Variants in ERCC8 observed in about 807,000 individuals in gnomAD.
ERCC8 encodes ERCC excision repair 8, CSA ubiquitin ligase complex subunit.
ERCC8 carries 52 observed loss-of-function variants against 54.9 expected under a neutral mutation model. That is an observed-to-expected ratio of 0.95 (90% CI 0.76 to 1.19). ERCC8 has a LOEUF of 1.19. ERCC8 is among the 50% of genes most tolerant of loss of function. The pLI, the probability that ERCC8 is intolerant of heterozygous loss-of-function variation, is 0.00. For missense variants in ERCC8, 514 were observed against 466.1 expected (o/e 1.10, Z -0.95); for synonymous variants, 146 against 157.2 (o/e 0.93, Z 0.53).
At chr5:60,908,911 CTTT>C (rs1188288516) in intron 4 of ERCC8, among the ~76,000 whole-genome samples, 13 of 152,190 alleles carry the variant, frequency 8.5e-5, no homozygotes, top group Middle Eastern at 6.8e-3. Flanking sequence ...GAAAATCCAT[CTTT>C]TATGTGGGTG....
intron 11 of ERCC8, among the ~76,000 whole-genome samples, chr5:60,876,002 A>G (rs888120338): frequency 1.3e-5 from 2 of 151,954 alleles, no homozygotes; most frequent in Admixed American, 6.6e-5. Flanking sequence ...AACATTAGGT[A>G]TATCTCCTAA....
At chr5:60,880,851 C>T (rs1014761944) in intron 11 of ERCC8, among the ~76,000 whole-genome samples, 1 of 152,050 alleles carries the variant, frequency 6.6e-6, no homozygotes, top group African/African-American at 2.4e-5. Context: ...GTCTGAAGCC[C>T]TTTTTTCTCA....
intron 4 of ERCC8, among the ~76,000 whole-genome samples, chr5:60,910,300 C>T (rs1749220814): frequency 6.6e-6 from 1 of 152,120 alleles, no homozygotes; most frequent in Admixed American, 6.6e-5. Flanking sequence ...AACTTTATAG[C>T]AAGTCTTGAT....
In ERCC8 at chr5:60,906,368, C is replaced by T. The variant is rs566590120; in HGVS notation, c.400-1495G>A. Among the ~76,000 whole-genome samples the T allele has an allele frequency of 1.4e-4, 22 of 151,956 alleles. No homozygotes were observed. The South Asian group carries it at 4.2e-3, about 29-fold the overall frequency. On this transcript the variant is annotated intron_variant, in intron 4 of 11. Coordinates refer to ENST00000676185, the MANE Select transcript of ERCC8 (RefSeq NM_000082.4). ...GCAGAATTCAGGCTTGTCTCCTCCT[C>T]CTAGTCTGGTGGTCTCTCATTAGCT...
chr5:60,938,349 AATTTT>A (rs1246693879), intron 1 of ERCC8, among the ~76,000 whole-genome samples: 15 of 108,762 alleles, frequency 1.4e-4, no homozygotes, highest in African/African-American at 5.9e-4. Context: ...TACCTTTTTG[AATTTT>A]TTTTTTTTTT....
At chr5:60,899,761 A>C (rs1268017269) in intron 7 of ERCC8, 34 bp from the exon 8 acceptor site, 1 of 1,494,604 alleles carries the variant, frequency 6.7e-7, no homozygotes, top group South Asian at 1.1e-5. Context: ...TGACATATGT[A>C]GCTAGGACAA....
intron 11 of ERCC8, among the ~76,000 whole-genome samples, chr5:60,875,587 G>A (rs2112453160): frequency 6.6e-6 from 1 of 152,246 alleles, no homozygotes; most frequent in South Asian, 2.1e-4. Context: ...TTCTTTTTGT[G>A]CAACTTTTAC....
In ERCC8 at chr5:60,887,465, T is replaced by C; in HGVS notation, c.1097A>G (p.Tyr366Cys). The change falls in exon 11 of 12, where the codon TAT (tyrosine) becomes TGT (cysteine). Residue 366 changes from tyrosine (Y) to cysteine (C), a missense_variant. Physicochemically the swap from Tyr to Cys is radical, Grantham distance 194. Coordinates refer to ENST00000676185, the MANE Select transcript of ERCC8 (RefSeq NM_000082.4). The part of the protein sequence containing the change: ...CNILAWVPSL[Y>C]EPVPDDDETT... Reference sequence around the variant, plus strand: ...CTCATCATCATCAGGAACTGGTTCATATAAGGATGGAACCCAAGCCAGAAT... The same window carrying C: ...CTCATCATCATCAGGAACTGGTTCACATAAGGATGGAACCCAAGCCAGAAT... 1.9e-6 allele frequency: 3 copies of C among 1,613,724 alleles called. No homozygotes were observed. The highest frequency in any genetic ancestry group is 1.7e-4 in the Middle Eastern group (1 of 6,056).
Position 60,898,277 on chromosome 5 carries a change from A to G in ERCC8, c.842T>C (p.Leu281Pro), listed in dbSNP as rs750952126. ...AATATATACTTAAAAATCTCTTACA[A>G]GTGTGTTTTCTCCATTGGAACTATT... ...LWNSSNGENT[L>P]VNYGKVCNNS... is the part of the protein sequence containing the mutation. The change falls in exon 9 of 12, where the codon CTT becomes CCT. Residue 281 changes from leucine (L) to proline (P), a missense_variant and splice_region_variant. Transcript: ENST00000676185. 1 of 1,613,346 alleles carries G rather than the reference A, an allele frequency of 6.2e-7. No individual in the cohort carries two copies.
rs1747940139 is a variant in ERCC8, at chr5:60,874,561, C to A, written c.*54G>T. 2 of 1,497,956 alleles carry A rather than the reference C, an allele frequency of 1.3e-6. No homozygotes were observed. Among genetic ancestry groups the A allele is most frequent in the East Asian group, 2.3e-5 (1 of 44,214 alleles). 92.8% of individuals were successfully genotyped at this position (1,497,956 alleles called of 1,614,324 possible). A position where few individuals can be genotyped will look rare whatever the true frequency, so the allele number is the denominator to read the frequency against. On this transcript the variant is annotated 3_prime_UTR_variant, in exon 12 of 12. Transcript: ENST00000676185. ...GAATAGACCATACAGTTGAAAAAAA[C>A]ACAGTCTCATTTAAAAAGTTTCAGC...
chr5:60,891,896 G>A (rs1387887399), intron 9 of ERCC8: 2 of 471,946 alleles, frequency 4.2e-6, no homozygotes, highest in Non-Finnish European at 8.5e-6. Context: ...ACTGGAACTG[G>A]TGCTTGGATC....
chr5:60,903,499 CAGA>C, intron 6 of ERCC8, 146 bp downstream of exon 6: 1 of 1,340,742 alleles, frequency 7.5e-7, no homozygotes, highest in Non-Finnish European at 1.0e-6. Flanking sequence ...GAATAATGCA[CAGA>C]AGGATCTTTA....
intron 10 of ERCC8, among the ~76,000 whole-genome samples, chr5:60,888,402 T>C (rs74420406): frequency 0.016 from 2,398 of 152,312 alleles, 76 homozygotes; most frequent in African/African-American, 0.055. Context: ...TGCAAAGATA[T>C]ATATGTTCAG....
chr5:60,878,192 G>A (rs945426025), intron 11 of ERCC8, among the ~76,000 whole-genome samples: 1 of 152,192 alleles, frequency 6.6e-6, no homozygotes, highest in African/African-American at 2.4e-5. Flanking sequence ...TGTGTATGTT[G>A]AACTAGCCTT....
At chr5:60,892,042 AG>A in intron 9 of ERCC8, 1 of 529,966 alleles carries the variant, frequency 1.9e-6, no homozygotes, top group Non-Finnish European at 3.8e-6. Context: ...CTTACTCTTC[AG>A]GGAGGATGCT....
intron 1 of ERCC8, among the ~76,000 whole-genome samples, chr5:60,936,691 T>C (rs990561663): frequency 2.0e-5 from 3 of 152,218 alleles, no homozygotes; most frequent in Non-Finnish European, 2.9e-5. Context: ...CCACTTTTGC[T>C]GTATCCCAGA....
chr5:60,931,419 G>A (rs911312634), intron 1 of ERCC8, among the ~76,000 whole-genome samples: 2 of 152,078 alleles, frequency 1.3e-5, no homozygotes, highest in African/African-American at 4.8e-5. Flanking sequence ...GGATCCTCTT[G>A]CCTCAGCCTC....
At chr5:60,932,423 G>T (rs1222713857) in intron 1 of ERCC8, among the ~76,000 whole-genome samples, 2 of 152,122 alleles carry the variant, frequency 1.3e-5, no homozygotes, top group African/African-American at 4.8e-5. Flanking sequence ...CTACTTTTGG[G>T]AGTCTGGAAT....
At chr5:60,898,597 CAA>C (rs915232990) in intron 8 of ERCC8, among the ~76,000 whole-genome samples, 197 bp from the exon 9 acceptor site, 1 of 139,514 alleles carries the variant, frequency 7.2e-6, no homozygotes. Context: ...TAGAGGAAAA[CAA>C]AAAAAAAAGG....
Sources: allele counts gnomAD v4.1 joint callset (sites outside exome capture counted in the v4.1 genomes callset), GRCh38; gene constraint gnomAD v4.1.1; transcripts MANE v1.5; gene names NCBI Gene and HGNC (gene_info 2026-07-23, HGNC 2026-07-21).